The following CACNA2D1 variants were observed in gnomAD, a reference collection of about 807,000 sequenced individuals.
The protein encoded by CACNA2D1 is calcium voltage-gated channel auxiliary subunit alpha2delta 1, also known as voltage-dependent calcium channel subunit alpha-2/delta-1.
A neutral mutation model predicts 171.5 loss-of-function variants in CACNA2D1; 53 were observed. The observed-to-expected ratio is 0.31, with a 90% confidence interval of 0.25 to 0.39. CACNA2D1 has a LOEUF of 0.39. Among genes scored for constraint, CACNA2D1 ranks in the 10% least tolerant of loss-of-function variants. The pLI, the probability that CACNA2D1 is intolerant of heterozygous loss-of-function variation, is 1.00. For synonymous variants in CACNA2D1, 442 were observed against 443.1 expected (o/e 1.00, Z 0.03); for missense variants, 903 against 1,299.8 (o/e 0.69, Z 4.69).
chr7:82,398,870 C>G (rs992817116), intron 1 of CACNA2D1, among the ~76,000 whole-genome samples: 1 of 151,514 alleles, frequency 6.6e-6, no homozygotes, highest in East Asian at 1.9e-4. Context: ...TGAGCCACCA[C>G]ACCCGGCCCC....
At chr7:82,010,017 C>A (rs1192011721) in intron 15 of CACNA2D1, among the ~76,000 whole-genome samples, 2 of 152,006 alleles carry the variant, frequency 1.3e-5, no homozygotes, top group South Asian at 2.1e-4. Context: ...GCTTCCCCAA[C>A]TTTTATGCTA....
intron 6 of CACNA2D1, among the ~76,000 whole-genome samples, chr7:82,101,550 T>A (rs1812684258): frequency 6.6e-6 from 1 of 152,200 alleles, no homozygotes; most frequent in Non-Finnish European, 1.5e-5. Flanking sequence ...AGGCACATAA[T>A]AGTCATACTT....
chr7:82,194,643 A>G (rs1214379140), intron 3 of CACNA2D1, among the ~76,000 whole-genome samples: 1 of 151,956 alleles, frequency 6.6e-6, no homozygotes, highest in Admixed American at 6.6e-5. Flanking sequence ...TATATATATT[A>G]CGATATATTT....
intron 21 of CACNA2D1, among the ~76,000 whole-genome samples, chr7:81,989,036 T>C (rs1200480062): frequency 1.3e-5 from 2 of 152,078 alleles, no homozygotes; most frequent in African/African-American, 2.4e-5. Flanking sequence ...TCTGAAGAGA[T>C]GAAAAGTAAG....
intron 4 of CACNA2D1, among the ~76,000 whole-genome samples, chr7:82,168,712 A>G (rs1416638041): frequency 1.6e-5 from 2 of 124,400 alleles, no homozygotes; most frequent in Non-Finnish European, 4.0e-5. Flanking sequence ...AAATGAAACA[A>G]CAATGATATA....
At chr7:81,961,673 A>T (rs1794135897) in intron 36 of CACNA2D1, among the ~76,000 whole-genome samples, 1 of 152,114 alleles carries the variant, frequency 6.6e-6, no homozygotes, top group South Asian at 2.1e-4. Flanking sequence ...ATAACAGCTT[A>T]TCAAAGTTAG....
chr7:82,049,284 TA>T (rs569518676), intron 10 of CACNA2D1, among the ~76,000 whole-genome samples: 2 of 152,214 alleles, frequency 1.3e-5, no homozygotes, highest in South Asian at 4.1e-4. Context: ...CATCTTTACC[TA>T]AAAAAAGTGC....
intron 20 of CACNA2D1, among the ~76,000 whole-genome samples, chr7:81,993,101 A>C (rs1361868301): frequency 1.3e-5 from 2 of 152,214 alleles, no homozygotes; most frequent in Admixed American, 1.3e-4. Flanking sequence ...GTGCATTAAA[A>C]ATTTGATTCA....
In CACNA2D1 at chr7:82,126,404, T is replaced by C. The variant is rs554081767; in HGVS notation, c.397-9231A>G. Among the ~76,000 whole-genome samples the C allele has an allele frequency of 2.0e-3, 312 of 152,330 alleles. 3 individuals are homozygous for C. The highest frequency in any genetic ancestry group is 0.014 in the South Asian group (66 of 4,826). ...CAACAGATGACATGATTCATTATACTATTTCTCTCTTCTGTATATTTAAAA... is the reference window on the plus strand; with the variant it reads ...CAACAGATGACATGATTCATTATACCATTTCTCTCTTCTGTATATTTAAAA... On this transcript the variant is annotated intron_variant, in intron 5 of 38. Transcript: ENST00000356860.
At chr7:82,093,250 C>T (rs560253228) in intron 6 of CACNA2D1, among the ~76,000 whole-genome samples, 38 of 152,256 alleles carry the variant, frequency 2.5e-4, no homozygotes, top group African/African-American at 7.9e-4. Context: ...GCATCTGCAT[C>T]ACAGGGCTAG....
intron 3 of CACNA2D1, among the ~76,000 whole-genome samples, chr7:82,314,419 A>G (rs1371380504): frequency 6.6e-6 from 1 of 152,170 alleles, no homozygotes; most frequent in Admixed American, 6.5e-5. Flanking sequence ...TCTTCCAAAC[A>G]CCAGGATAAT....
At chr7:82,153,475 T>C (rs1794057503) in intron 4 of CACNA2D1, among the ~76,000 whole-genome samples, 1 of 152,096 alleles carries the variant, frequency 6.6e-6, no homozygotes, top group African/African-American at 2.4e-5. Flanking sequence ...AAATGCCCAA[T>C]TGCACAATCT....
chr7:82,220,835 G>T (rs1158234690), intron 3 of CACNA2D1, among the ~76,000 whole-genome samples: 2 of 145,378 alleles, frequency 1.4e-5, no homozygotes, highest in Non-Finnish European at 3.0e-5. Context: ...CTGCAGTGTA[G>T]TGGCAAGATC....
chr7:82,165,940 T>TA (rs1795414423), intron 4 of CACNA2D1, among the ~76,000 whole-genome samples: 1 of 152,028 alleles, frequency 6.6e-6, no homozygotes, highest in African/African-American at 2.4e-5. Context: ...TCTCACTTTT[T>TA]ATCCCTAAAA....
At chr7:81,955,226 G>A (rs1194817770) in intron 38 of CACNA2D1, among the ~76,000 whole-genome samples, 1 of 151,926 alleles carries the variant, frequency 6.6e-6, no homozygotes, top group Non-Finnish European at 1.5e-5. Context: ...CCGGGTATAA[G>A]GGCCCCTTGG....
intron 3 of CACNA2D1, among the ~76,000 whole-genome samples, chr7:82,275,694 A>C (rs1809227357): frequency 6.6e-6 from 1 of 152,180 alleles, no homozygotes; most frequent in Admixed American, 6.5e-5. Context: ...GGCAATACGC[A>C]CAGGAAGGCA....
At chr7:82,138,511 A>G (rs1439568487) in intron 4 of CACNA2D1, among the ~76,000 whole-genome samples, 7 of 141,456 alleles carry the variant, frequency 4.9e-5, no homozygotes, top group African/African-American at 1.9e-4. Context: ...CAGTGGCGCG[A>G]TCTCGGCTCA....
At chr7:82,031,769 C>T (rs536137818) in intron 12 of CACNA2D1, among the ~76,000 whole-genome samples, 1 of 151,934 alleles carries the variant, frequency 6.6e-6, no homozygotes, top group Admixed American at 6.6e-5. Flanking sequence ...TTTTGTCTCG[C>T]TTTTCAACAC....
intron 6 of CACNA2D1, among the ~76,000 whole-genome samples, chr7:82,106,841 T>C (rs1787817961): frequency 6.6e-6 from 1 of 152,242 alleles, no homozygotes; most frequent in South Asian, 2.1e-4. Context: ...CTAGACAGTG[T>C]GCTAGGATTT....
Sources: allele counts gnomAD v4.1 joint callset (sites outside exome capture counted in the v4.1 genomes callset), GRCh38; gene constraint gnomAD v4.1.1; transcripts MANE v1.5; gene names NCBI Gene and HGNC (gene_info 2026-07-23, HGNC 2026-07-21).